The following CYS1 variants were observed in gnomAD, a reference collection of about 807,000 sequenced individuals.
CYS1 encodes the protein cystin 1, also known as cystin-1.
CYS1 carries 5 observed loss-of-function variants against 9.6 expected under a neutral mutation model. The observed-to-expected ratio is 0.52, with a 90% CI of 0.27 to 1.10. CYS1 has a LOEUF of 1.10. CYS1 is among the 50% of genes least tolerant of loss of function. The probability of loss-of-function intolerance (pLI) is 0.11; values close to 1 mark genes in which losing one functional copy is unlikely to be tolerated. For synonymous variants in CYS1, 88 were observed against 95.7 expected, an observed-to-expected ratio of 0.92 and a Z score of 0.47; for missense variants, 221 against 207.9, an observed-to-expected ratio of 1.06 and a Z score of -0.39.
At chr2:10,079,760 G>A (rs1661912639) in intron 1 of CYS1, 146 bp downstream of exon 1, 3 of 390,070 alleles carry the variant, frequency 7.7e-6, no homozygotes, top group Non-Finnish European at 1.1e-5. Flanking sequence ...GGGCCCAGGG[G>A]CGGGGAGGCC....
intron 1 of CYS1, among the ~76,000 whole-genome samples, chr2:10,075,006 G>A (rs1410454630): frequency 6.6e-6 from 1 of 152,178 alleles, no homozygotes; most frequent in South Asian, 2.1e-4. Context: ...CAGCTACTCA[G>A]GAGGCTGAGA....
At chr2:10,073,857 C>G (rs1156437907) in intron 1 of CYS1, among the ~76,000 whole-genome samples, 1 of 151,328 alleles carries the variant, frequency 6.6e-6, no homozygotes, top group African/African-American at 2.4e-5. Flanking sequence ...AGCCTCTCAG[C>G]AGGGCAGGAA....
At chr2:10,066,498 G>A (rs1412370221) in intron 1 of CYS1, among the ~76,000 whole-genome samples, 1 of 152,196 alleles carries the variant, frequency 6.6e-6, no homozygotes, top group Non-Finnish European at 1.5e-5. Context: ...TCTTCATAAG[G>A]CCAGGACGTG....
At chr2:10,073,206 ACCGC>A (rs1558360516) in intron 1 of CYS1, among the ~76,000 whole-genome samples, 2 of 33,006 alleles carry the variant, frequency 6.1e-5, no homozygotes, top group African/African-American at 3.2e-4. Context: ...GGCTCTGGGA[ACCGC>A]CCCCCCCCCC....
rs1362166949 is a variant in CYS1 at position 10,056,878 on chromosome 2, T to G, written c.*1975A>C. 1 of 152,266 alleles carries G rather than the reference T, an allele frequency of 6.6e-6. No individual in the cohort carries two copies. Among genetic ancestry groups the G allele is most frequent in the African/African-American group, 2.4e-5 (1 of 41,472 alleles). 9.4% of individuals were successfully genotyped at this position (152,266 alleles called of 1,614,324 possible). On this transcript the variant is annotated 3_prime_UTR_variant, in exon 3 of 3. Coordinates refer to ENST00000381813, the MANE Select transcript of CYS1 (RefSeq NM_001037160.3). Reference sequence around the variant, plus strand: ...ACCGCTTTATTTGGCTAGCTGCTATTCAGAAGACACTTCCTGAATTCAGGA... The same window carrying G: ...ACCGCTTTATTTGGCTAGCTGCTATGCAGAAGACACTTCCTGAATTCAGGA...
intron 2 of CYS1, among the ~76,000 whole-genome samples, chr2:10,064,379 G>A (rs1326267093): frequency 6.6e-6 from 1 of 152,208 alleles, no homozygotes; most frequent in Non-Finnish European, 1.5e-5. Flanking sequence ...GTTCATGGTA[G>A]GATTTAATCC....
At chr2:10,077,878 G>A (rs377763791) in intron 1 of CYS1, among the ~76,000 whole-genome samples, 12 of 152,218 alleles carry the variant, frequency 7.9e-5, no homozygotes, top group Admixed American at 5.2e-4. Flanking sequence ...CGGAGACCAA[G>A]GTGGGCGGGT....
chr2:10,059,696 A>C (rs1429356093), intron 2 of CYS1, among the ~76,000 whole-genome samples: 1 of 152,230 alleles, frequency 6.6e-6, no homozygotes, highest in African/African-American at 2.4e-5. Context: ...TCTGTCTCAA[A>C]AAAAATAAAT....
chr2:10,079,495 C>T (rs1325994958), intron 1 of CYS1, among the ~76,000 whole-genome samples: 2 of 152,216 alleles, frequency 1.3e-5, no homozygotes, highest in Admixed American at 6.5e-5. Flanking sequence ...ATGAGAATTG[C>T]CTGCCCAGCA....
chr2:10,078,748 C>T (rs537454077), intron 1 of CYS1, among the ~76,000 whole-genome samples: 1 of 152,344 alleles, frequency 6.6e-6, no homozygotes, highest in East Asian at 1.9e-4. Flanking sequence ...AAGGGCTATG[C>T]TGTGTGGCCT....
intron 1 of CYS1, among the ~76,000 whole-genome samples, chr2:10,067,069 G>T (rs1271853554): frequency 1.3e-5 from 2 of 152,144 alleles, no homozygotes; most frequent in African/African-American, 2.4e-5. Flanking sequence ...AGGCTGGAGT[G>T]CAATGGTGCG....
In CYS1 at chr2:10,080,143, C is replaced by G; in HGVS notation, c.81G>C (p.Ala27=). 9.6e-7 allele frequency: 1 copy of G among 1,044,326 alleles called. No individual in the cohort carries two copies. 64.7% of individuals were successfully genotyped at this position (1,044,326 alleles called of 1,614,324 possible). The change falls in exon 1 of 3, where the codon GCG becomes GCC. Residue 27 remains alanine (A), a synonymous_variant. Transcript: ENST00000381813. The surrounding 1 kb of genome is among the most constrained non-coding windows in gnomAD (Gnocchi z 6.4). ...SPESLPAGPG[A]AALEGGTRRR... The stretch of plus-strand genomic sequence containing the variant: ...GGCGGGTCCCGCCCTCCAGGGCTGC[C>G]GCTCCGGGCCCCGCGGGGAGGCTCT...
At chr2:10,077,680 C>T (rs1231043297) in intron 1 of CYS1, among the ~76,000 whole-genome samples, 1 of 151,882 alleles carries the variant, frequency 6.6e-6, no homozygotes, top group African/African-American at 2.4e-5. Flanking sequence ...CAAAAATTAG[C>T]TGGCCGTGGT....
chr2:10,064,897 T>G (rs74411809), intron 2 of CYS1, among the ~76,000 whole-genome samples: 14 of 128,892 alleles, frequency 1.1e-4, no homozygotes, highest in African/African-American at 2.0e-4. Context: ...TTTGTTTTTG[T>G]TTTTTTTTTT....
intron 1 of CYS1, among the ~76,000 whole-genome samples, chr2:10,069,430 A>C (rs1038175751): frequency 6.6e-6 from 1 of 152,120 alleles, no homozygotes; most frequent in African/African-American, 2.4e-5. Flanking sequence ...GTGCAGTGGC[A>C]CAATCTTGGC....
intron 1 of CYS1, among the ~76,000 whole-genome samples, chr2:10,072,289 G>T (rs949378732): frequency 2.0e-5 from 3 of 152,150 alleles, no homozygotes; most frequent in Non-Finnish European, 2.9e-5. Flanking sequence ...CACCATGTTG[G>T]CCAGGTTGGT....
chr2:10,069,687 AT>A (rs1049630639), intron 1 of CYS1, among the ~76,000 whole-genome samples: 104 of 152,026 alleles, frequency 6.8e-4, no homozygotes, highest in African/African-American at 2.3e-3. Context: ...TTTAAAAAAA[AT>A]TTTTTTTTTA....
At chr2:10,074,266 T>C (rs1229567271) in intron 1 of CYS1, among the ~76,000 whole-genome samples, 2 of 152,202 alleles carry the variant, frequency 1.3e-5, no homozygotes, top group Non-Finnish European at 2.9e-5. Context: ...ACTCAACTTG[T>C]ACAAAACTAG....
rs397897126 is a variant in CYS1, at chr2:10,073,219, C to T, written c.318+6687G>A. The stretch of plus-strand genomic sequence containing the variant: ...GGGGCTCTGGGAACCGCCCCCCCCC[C>T]CCCCCCGGCTGTGGGCTGCCAGTCC... On this transcript the variant is annotated intron_variant, in intron 1 of 2. Coordinates refer to ENST00000381813, the MANE Select transcript of CYS1 (RefSeq NM_001037160.3). 1.7e-4 allele frequency among the ~76,000 whole-genome samples: 25 copies of T among 146,752 alleles called. 2 individuals carry two copies. In the East Asian group the frequency reaches 3.0e-3, roughly 17 times the overall value.
Sources: gnomAD v4.1 joint callset for allele counts (sites outside exome capture counted in the v4.1 genomes callset) on GRCh38, gnomAD v4.1.1 for gene constraint, Gnocchi (gnomAD v3.1) non-coding constraint, MANE v1.5 for transcripts, NCBI Gene and HGNC (gene_info 2026-07-23, HGNC 2026-07-21) for gene names.